The following SH3D19 variants were observed in gnomAD, a reference collection of about 807,000 sequenced individuals.
SH3D19 encodes SH3 domain containing 19, also known as SH3 domain-containing protein 19.
SH3D19 carries 58 observed loss-of-function variants against 112.1 expected under a neutral mutation model. The ratio of observed to expected loss-of-function variants is 0.52; its 90% CI spans 0.42 to 0.64. SH3D19 has a LOEUF of 0.64. Among genes scored for constraint, SH3D19 ranks in the 30% least tolerant of loss-of-function variants. The probability of loss-of-function intolerance (pLI) is 0.00; values close to 1 mark genes in which losing one functional copy is unlikely to be tolerated. For synonymous variants in SH3D19, 391 were observed against 448.5 expected (o/e 0.87, Z 1.62); for missense variants, 1,090 against 1,263.4 (o/e 0.86, Z 2.08).
intron 1 of SH3D19, among the ~76,000 whole-genome samples, chr4:151,236,087 G>A (rs1255106908): frequency 2.6e-5 from 4 of 152,260 alleles, no homozygotes; most frequent in Non-Finnish European, 2.9e-5. Context: ...AGATGACAAC[G>A]TGCTAGCAGC....
chr4:151,261,765 TA>T (rs1772394553), intron 1 of SH3D19, among the ~76,000 whole-genome samples: 1 of 152,188 alleles, frequency 6.6e-6, no homozygotes, highest in Non-Finnish European at 1.5e-5. Context: ...GCTGAGACCT[TA>T]AAAGTAAAAA....
At chr4:151,252,207 G>A (rs1057219043) in intron 1 of SH3D19, among the ~76,000 whole-genome samples, 3 of 152,172 alleles carry the variant, frequency 2.0e-5, no homozygotes, top group African/African-American at 7.2e-5. Context: ...CAAACAGGAT[G>A]TAATTTCTCT....
intron 1 of SH3D19, among the ~76,000 whole-genome samples, chr4:151,243,658 G>A (rs190123766): frequency 1.8e-3 from 281 of 152,336 alleles, no homozygotes; most frequent in Non-Finnish European, 3.0e-3. Context: ...CTATTATTTT[G>A]AAAACTGAAA....
chr4:151,280,151 G>A (rs1368167566), intron 1 of SH3D19, among the ~76,000 whole-genome samples: 1 of 67,428 alleles, frequency 1.5e-5, no homozygotes, highest in Non-Finnish European at 4.5e-5. Context: ...TTGGAGACAG[G>A]CACTATATTA....
intron 1 of SH3D19, chr4:151,291,480 G>C (rs746571948): frequency 4.2e-6 from 6 of 1,437,248 alleles, no homozygotes; most frequent in Non-Finnish European, 5.7e-6. Context: ...TGCTAACCCT[G>C]GGTGACTTTA....
chr4:151,240,822 C>T (rs895798567), intron 1 of SH3D19, among the ~76,000 whole-genome samples: 1 of 151,700 alleles, frequency 6.6e-6, no homozygotes, highest in Admixed American at 6.6e-5. Flanking sequence ...CATGTCTACA[C>T]AAAATCCTGT....
chr4:151,274,862 G>T (rs1773469313), intron 1 of SH3D19, among the ~76,000 whole-genome samples: 1 of 152,156 alleles, frequency 6.6e-6, no homozygotes, highest in African/African-American at 2.4e-5. Flanking sequence ...GGTTCTTTCT[G>T]AGGGCCATGA....
Position 151,256,563 on chromosome 4 carries a change from C to T in SH3D19, c.113-30477G>A, listed in dbSNP as rs191452822. 5.0e-3 allele frequency among the ~76,000 whole-genome samples: 761 copies of T among 152,264 alleles called. 4 individuals carry two copies. Among genetic ancestry groups the T allele is most frequent in the Non-Finnish European group, 8.8e-3 (597 of 68,012 alleles). On this transcript the variant is annotated intron_variant, in intron 1 of 19. Transcript: ENST00000604030. ...AATATAAAAAATGAGGAATGTTTCT[C>T]AGTCCCCTATAGAACTGCATATTAT... is the stretch of plus-strand genomic sequence containing the variant.
rs772171904 is a variant in SH3D19, at chr4:151,159,366, C to T, written c.1643-14G>A. On this transcript the variant is annotated splice_polypyrimidine_tract_variant and intron_variant, in intron 8 of 19. Coordinates refer to ENST00000604030, the MANE Select transcript of SH3D19 (RefSeq NM_001378122.1). The stretch of plus-strand genomic sequence containing the variant: ...CCTCATGTAAACCTGGAAAAAGTAG[C>T]AGTAATTCATCAATAATTTCTAGTT... 1 of 1,410,000 alleles carries T rather than the reference C, an allele frequency of 7.1e-7. No individual in the cohort carries two copies. The highest frequency in any genetic ancestry group is 9.8e-7 in the Non-Finnish European group (1 of 1,024,536). The allele number at this position is 1,410,000 out of a possible 1,614,324, so 87.3% of individuals were successfully genotyped here.
chr4:151,135,318 G>A (rs1030594885), intron 14 of SH3D19, among the ~76,000 whole-genome samples, 186 bp from the exon 15 acceptor site: 3 of 150,676 alleles, frequency 2.0e-5, no homozygotes, highest in Non-Finnish European at 4.4e-5. Flanking sequence ...AAAAAAAAGT[G>A]TAACTTGTGA....
intron 15 of SH3D19, 137 bp from the exon 16 acceptor site, chr4:151,133,373 T>G (rs759052835): frequency 1.2e-4 from 87 of 719,042 alleles, no homozygotes; most frequent in Admixed American, 2.6e-4. Context: ...TTGAAATTAT[T>G]CCATGAAAAA....
chr4:151,158,298 A>C (rs1400884344), intron 9 of SH3D19, among the ~76,000 whole-genome samples: 2 of 151,794 alleles, frequency 1.3e-5, no homozygotes, highest in Non-Finnish European at 2.9e-5. Flanking sequence ...TTCTTTATTT[A>C]TTTATTTATT....
chr4:151,269,493 T>A (rs1223781506), intron 1 of SH3D19, among the ~76,000 whole-genome samples: 3 of 152,226 alleles, frequency 2.0e-5, no homozygotes, highest in Non-Finnish European at 4.4e-5. Flanking sequence ...TTGCTTTTGA[T>A]ATTTTAGACA....
At chr4:151,199,769 C>G (rs1466120880) in intron 2 of SH3D19, among the ~76,000 whole-genome samples, 3 of 152,154 alleles carry the variant, frequency 2.0e-5, no homozygotes, top group Non-Finnish European at 4.4e-5. Flanking sequence ...TCCATGTCTA[C>G]AAGGAAAACA....
chr4:151,277,245 G>C (rs1773718100), intron 1 of SH3D19: 3 of 1,484,286 alleles, frequency 2.0e-6, no homozygotes, highest in East Asian at 5.0e-5. Flanking sequence ...GGGTGGGGTT[G>C]AGAAGGCAGA....
chr4:151,173,768 C>T (rs143612699), intron 7 of SH3D19, among the ~76,000 whole-genome samples: 1 of 152,238 alleles, frequency 6.6e-6, no homozygotes, highest in East Asian at 1.9e-4. Flanking sequence ...AATCACAGAG[C>T]CTGTACTATT....
intron 1 of SH3D19, among the ~76,000 whole-genome samples, chr4:151,244,649 G>A (rs1291025226): frequency 6.6e-6 from 1 of 152,200 alleles, no homozygotes; most frequent in Non-Finnish European, 1.5e-5. Flanking sequence ...TACATTCTGA[G>A]AGAGCCTAAG....
At chr4:151,261,336 T>G (rs1405251818) in intron 1 of SH3D19, 1 of 152,252 alleles carries the variant, frequency 6.6e-6, no homozygotes, top group Non-Finnish European at 1.5e-5. Flanking sequence ...GACTCCAAAA[T>G]GACGATAATA....
At chr4:151,323,246 G>A (rs1730726014) in intron 1 of SH3D19, among the ~76,000 whole-genome samples, 1 of 152,100 alleles carries the variant, frequency 6.6e-6, no homozygotes, top group African/African-American at 2.4e-5. Context: ...GGTGAAATCA[G>A]AGAAAAGGAA....
Sources: allele counts gnomAD v4.1 joint callset (sites outside exome capture counted in the v4.1 genomes callset), GRCh38; gene constraint gnomAD v4.1.1; transcripts MANE v1.5; gene names NCBI Gene and HGNC (gene_info 2026-07-23, HGNC 2026-07-21).